EGFL7: variants seen among roughly 807,000 people sequenced by gnomAD.
The protein encoded by EGFL7 is EGF like domain multiple 7.
Under a neutral mutation model 37.1 loss-of-function variants are expected in EGFL7, and 48 were observed. The ratio of observed to expected loss-of-function variants is 1.29; its 90% CI spans 1.03 to 1.65. The LOEUF (loss-of-function observed/expected upper bound fraction) is 1.65. Ranked by LOEUF, EGFL7 falls within the 40% of genes most tolerant of loss-of-function variation. The pLI, the probability that EGFL7 is intolerant of heterozygous loss-of-function variation, is 0.00. For missense variants in EGFL7, 384 were observed against 378.9 expected (o/e 1.01, Z -0.11); for synonymous variants, 180 against 156.8 (o/e 1.15, Z -1.10).
upstream of EGFL7, chr9:136,658,876 C>T (rs992154225): frequency 6.6e-5 from 10 of 152,366 alleles, no homozygotes; most frequent in African/African-American, 2.2e-4. Context: ...CCGGTGGGGA[C>T]CTGCCAAGAA....
rs1355234574 is a variant in EGFL7, at chr9:136,672,358, T to TG, written c.*77dup. 8 of 1,599,844 alleles carry TG rather than the reference T, an allele frequency of 5.0e-6. No individual in the cohort carries two copies. Among genetic ancestry groups the TG allele is most frequent in the Admixed American group, 3.3e-5 (2 of 59,854 alleles). ...GCCCCCATGCCCCTGCCCAACATGC[T>TG]GGGGGTCCAGAAACCACCTCGGGGT... On this transcript the variant is annotated 3_prime_UTR_variant, in exon 11 of 11. Coordinates refer to ENST00000308874, the MANE Select transcript of EGFL7 (RefSeq NM_016215.5).
At chr9:136,664,026 G>A (rs1486791877) in intron 2 of EGFL7, among the ~76,000 whole-genome samples, 1 of 151,786 alleles carries the variant, frequency 6.6e-6, no homozygotes, top group Non-Finnish European at 1.5e-5. Context: ...GCAGGGGACA[G>A]GGAGGGTGGC....
upstream of EGFL7, chr9:136,659,652 T>C (rs1845014957): frequency 6.6e-6 from 1 of 152,382 alleles, no homozygotes. Flanking sequence ...CTTCCCCTTA[T>C]AACTAACCTC....
chr9:136,666,394 A>G lies in EGFL7; in HGVS notation c.-43+1609A>G, dbSNP rs1407877766. On this transcript the variant is annotated intron_variant, in intron 3 of 10. Coordinates refer to ENST00000308874, the MANE Select transcript of EGFL7 (RefSeq NM_016215.5). This position sits in a 1 kb window ranked among gnomAD's most constrained non-coding sequence, Gnocchi z 6.8. Reference sequence around the variant, plus strand: ...GCTGCTGCCGGGCAGGTGGGGAGGGAGCCCGTGGGCGCTGGGGGCACGGGG... The same window carrying G: ...GCTGCTGCCGGGCAGGTGGGGAGGGGGCCCGTGGGCGCTGGGGGCACGGGG... Among the ~76,000 whole-genome samples the G allele has an allele frequency of 3.3e-5, 5 of 151,118 alleles. No individual in the cohort carries two copies. Among genetic ancestry groups the G allele is most frequent in the Non-Finnish European group, 5.9e-5 (4 of 67,770 alleles).
rs868787610 is a variant in EGFL7, at chr9:136,670,776, C to T, written c.572-174C>T. ...CTCTGCGCAGAGCCACCCGCCCCGA[C>T]GTACTTAGGCGGCATAGCCCTGAGA... is the stretch of plus-strand genomic sequence containing the variant. On this transcript the variant is annotated intron_variant, in intron 8 of 10. Coordinates refer to ENST00000308874, the MANE Select transcript of EGFL7 (RefSeq NM_016215.5). 85 of 732,382 alleles carry T rather than the reference C, an allele frequency of 1.2e-4. No homozygotes were observed. In the Middle Eastern group the frequency reaches 5.0e-3, roughly 43 times the overall value. 45.4% of individuals were successfully genotyped at this position (732,382 alleles called of 1,614,324 possible). A position where few individuals can be genotyped will look rare whatever the true frequency, so the allele number is the denominator to read the frequency against.
Position 136,672,413 on chromosome 9 carries a change from C to G in EGFL7, c.*127C>G, listed in dbSNP as rs561724094. The G allele has an allele frequency of 9.7e-5, 106 of 1,089,098 alleles. No individual in the cohort carries two copies. Among genetic ancestry groups the G allele is most frequent in the South Asian group, 8.7e-4 (66 of 75,506 alleles). The allele number at this position is 1,089,098 out of a possible 1,614,324, so 67.5% of individuals were successfully genotyped here. On this transcript the variant is annotated 3_prime_UTR_variant, in exon 11 of 11. Coordinates refer to ENST00000308874, the MANE Select transcript of EGFL7 (RefSeq NM_016215.5). Reference sequence around the variant, plus strand: ...GAGCGGAAGGCCAGGCAGGGCCTTCCTCCTCTTCCTCCTCCCCTTCCTCGG... The same window carrying G: ...GAGCGGAAGGCCAGGCAGGGCCTTCGTCCTCTTCCTCCTCCCCTTCCTCGG...
upstream of EGFL7, chr9:136,662,779 C>G (rs1036282655): frequency 6.6e-6 from 1 of 152,296 alleles, no homozygotes; most frequent in African/African-American, 2.4e-5. Flanking sequence ...CCCCCACCCC[C>G]CTCAGCCTCC....
intron 7 of EGFL7, 51 bp downstream of exon 7, chr9:136,670,060 T>C (rs751577955): frequency 6.3e-7 from 1 of 1,591,674 alleles, no homozygotes; most frequent in Admixed American, 1.7e-5. Context: ...GGGCACCTCC[T>C]TGCATGTCCT....
At position 136,672,040 on chromosome 9, in the gene EGFL7, GACTCCCT is replaced by G; in HGVS notation, c.752_758del (p.Asp251GlyfsTer56). ...CTCCTTCCAGCAGCTCGGCCGCATCGACTCCCTGAGCGAGCAGATTTCCTTCCTGGAG... is the reference window on the plus strand; with the variant it reads ...CTCCTTCCAGCAGCTCGGCCGCATCGGAGCGAGCAGATTTCCTTCCTGGAG... On this transcript the variant is annotated frameshift_variant, in exon 10 of 11. Transcript: ENST00000308874. LOFTEE classifies it high-confidence loss of function. 6.5e-7 allele frequency: 1 copy of G among 1,545,506 alleles called. No individual in the cohort carries two copies. Among genetic ancestry groups the G allele is most frequent in the Non-Finnish European group, 8.7e-7 (1 of 1,146,914 alleles).
chr9:136,668,611 G>A lies in EGFL7; in HGVS notation c.135G>A (p.Val45=), dbSNP rs371810712. Residue 45 remains valine, a synonymous_variant, in exon 5 of 11, where the codon GTG becomes GTA. Coordinates refer to ENST00000308874, the MANE Select transcript of EGFL7 (RefSeq NM_016215.5). ...GGGACCCTGTCTCCGAGTCGTTCGTGCAGCGTGTGTACCAGCCCTTCCTCA... is the reference window on the plus strand; with the variant it reads ...GGGACCCTGTCTCCGAGTCGTTCGTACAGCGTGTGTACCAGCCCTTCCTCA... The part of the protein sequence containing the change: ...AHGDPVSESF[V]QRVYQPFLTT... 4 of 1,608,130 alleles carry A rather than the reference G, an allele frequency of 2.5e-6. No individual in the cohort carries two copies. Among genetic ancestry groups the A allele is most frequent in the Non-Finnish European group, 2.5e-6 (3 of 1,179,782 alleles).
chr9:136,672,290 C>T lies in EGFL7; in HGVS notation c.*4C>T. ...CTCCTGCAAGAAAGACTCGTGACTG[C>T]CCAGCGCCCCAGGCTGGACTGAGCC... On this transcript the variant is annotated 3_prime_UTR_variant, in exon 11 of 11. Coordinates refer to ENST00000308874, the MANE Select transcript of EGFL7 (RefSeq NM_016215.5). The T allele has an allele frequency of 6.2e-7, 1 of 1,613,270 alleles. No individual in the cohort carries two copies. Among genetic ancestry groups the T allele is most frequent in the Non-Finnish European group, 8.5e-7 (1 of 1,179,934 alleles).
rs1845990986 is a variant in EGFL7 at position 136,672,576 on chromosome 9, C to T, written c.*290C>T. 6 of 565,694 alleles carry T rather than the reference C, an allele frequency of 1.1e-5. No homozygotes were observed. Among genetic ancestry groups the T allele is most frequent in the East Asian group, 2.9e-5 (1 of 34,672 alleles). 35.0% of individuals were successfully genotyped at this position (565,694 alleles called of 1,614,324 possible). On this transcript the variant is annotated 3_prime_UTR_variant, in exon 11 of 11. Transcript: ENST00000308874. ...GCTGAGGGAAGGTACGAGCTCCCTG[C>T]TGGAGCCTGGGACCCATGGCACAGG...
In EGFL7 at chr9:136,672,398, CCAGG is replaced by C. The variant is rs1251835652; in HGVS notation, c.*117_*120del. 4 of 1,321,254 alleles carry C rather than the reference CCAGG, an allele frequency of 3.0e-6. No individual in the cohort carries two copies. In the East Asian group the frequency reaches 9.4e-5, roughly 31 times the overall value. 81.8% of individuals were successfully genotyped at this position (1,321,254 alleles called of 1,614,324 possible). ...CACCTCGGGGTGACTGAGCGGAAGGCCAGGCAGGGCCTTCCTCCTCTTCCTCCTC... is the reference window on the plus strand; with the variant it reads ...CACCTCGGGGTGACTGAGCGGAAGGCCAGGGCCTTCCTCCTCTTCCTCCTC... On this transcript the variant is annotated 3_prime_UTR_variant, in exon 11 of 11. Coordinates refer to ENST00000308874, the MANE Select transcript of EGFL7 (RefSeq NM_016215.5).
At chr9:136,671,095 A>G in intron 9 of EGFL7, 81 bp downstream of exon 9, 3 of 1,049,032 alleles carry the variant, frequency 2.9e-6, no homozygotes, top group Non-Finnish European at 3.9e-6. Flanking sequence ...AGGGGCAGGC[A>G]GTCCAGGGTG....
chr9:136,663,500 T>C lies in EGFL7; in HGVS notation c.-260T>C, dbSNP rs578116278. The C allele has an allele frequency of 1.6e-4, 24 of 152,042 alleles. No homozygotes were observed. Among genetic ancestry groups the C allele is most frequent in the Admixed American group, 1.4e-3 (22 of 15,308 alleles). 9.4% of individuals were successfully genotyped at this position (152,042 alleles called of 1,614,324 possible). A position where few individuals can be genotyped will look rare whatever the true frequency, so the allele number is the denominator to read the frequency against. ...CCCTGCGGTGTCCCGAGGGCTGAGGTCTCCTCATCTTCTCCCTAGCAGTGG... is the reference window on the plus strand; with the variant it reads ...CCCTGCGGTGTCCCGAGGGCTGAGGCCTCCTCATCTTCTCCCTAGCAGTGG... On this transcript the variant is annotated 5_prime_UTR_variant, in exon 2 of 11. Transcript: ENST00000308874.
rs751807257 is a variant in EGFL7, at chr9:136,670,346, T to C, written c.571+16T>C. ...AACCCGACAGGTAAACAGCCCTGGC[T>C]GTGCCTGGCCTGGGGAGGCGGGCAG... On this transcript the variant is annotated intron_variant, in intron 8 of 10. Transcript: ENST00000308874. 2.5e-5 allele frequency: 39 copies of C among 1,541,008 alleles called. No homozygotes were observed. Among genetic ancestry groups the C allele is most frequent in the Admixed American group, 9.8e-5 (5 of 50,842 alleles).
Position 136,672,514 on chromosome 9 carries a change from C to A in EGFL7, c.*228C>A. ...CCACCCCTGGCTACCCCCACCCTGGCTACCCCAACGGCATCCCAAGGCCAG... is the reference window on the plus strand; with the variant it reads ...CCACCCCTGGCTACCCCCACCCTGGATACCCCAACGGCATCCCAAGGCCAG... On this transcript the variant is annotated 3_prime_UTR_variant, in exon 11 of 11. Transcript: ENST00000308874. The A allele has an allele frequency of 1.6e-6, 1 of 615,784 alleles. No individual in the cohort carries two copies. Among genetic ancestry groups the A allele is most frequent in the Non-Finnish European group, 2.9e-6 (1 of 350,574 alleles). 38.1% of individuals were successfully genotyped at this position (615,784 alleles called of 1,614,324 possible). A position where few individuals can be genotyped will look rare whatever the true frequency, so the allele number is the denominator to read the frequency against.
At chr9:136,669,786 G>A (rs1187944644) in intron 6 of EGFL7, 65 bp downstream of exon 6, 34 of 1,452,714 alleles carry the variant, frequency 2.3e-5, no homozygotes, top group East Asian at 5.0e-5. Flanking sequence ...TTCCAGCAAC[G>A]CTCCTGCTGC....
chr9:136,669,946 A>G lies in EGFL7; in HGVS notation c.346A>G (p.Ser116Gly), dbSNP rs1386533946. 1.9e-6 allele frequency: 3 copies of G among 1,605,890 alleles called. No individual in the cohort carries two copies. The Admixed American group carries it at 5.1e-5, about 27-fold the overall frequency. The stretch of plus-strand genomic sequence containing the variant: ...CCAGCCGCCATGCCGGAACGGAGGG[A>G]GCTGTGTCCAGCCTGGCCGCTGCCG... ...ICQPPCRNGG[S>G]CVQPGRCRCP... Residue 116 changes from serine to glycine, a missense_variant, in exon 7 of 11, where the codon AGC becomes GGC. Ser to Gly is a moderately conservative substitution (Grantham distance 56). Transcript: ENST00000308874.
Sources: allele counts gnomAD v4.1 joint callset (sites outside exome capture counted in the v4.1 genomes callset), GRCh38; gene constraint gnomAD v4.1.1; non-coding constraint Gnocchi (gnomAD v3.1); transcripts MANE v1.5; gene names NCBI Gene and HGNC (gene_info 2026-07-23, HGNC 2026-07-21).